Variants in LTF observed in about 807,000 individuals in gnomAD.
LTF encodes the protein lactotransferrin.
LTF carries 91 observed loss-of-function variants against 87.2 expected under a neutral mutation model. That is an observed-to-expected ratio of 1.04 (90% CI 0.88 to 1.24). The LOEUF (loss-of-function observed/expected upper bound fraction) is 1.24. Ranked by LOEUF, LTF falls within the 50% of genes most tolerant of loss-of-function variation. The probability of loss-of-function intolerance (pLI) is 0.00; values close to 1 mark genes in which losing one functional copy is unlikely to be tolerated. For missense variants in LTF, 901 were observed against 904.3 expected (o/e 1.00, Z 0.05); for synonymous variants, 378 against 356.1 (o/e 1.06, Z -0.69).
Position 46,436,177 on chromosome 3 carries a change from G to C in LTF, c.*18C>G. Reference sequence around the variant, plus strand: ...ATGGCTGAGGCTTTCTTGGGGAGCTGGGCCATCTTCTTCGGTTTTACTTCC... The same window carrying C: ...ATGGCTGAGGCTTTCTTGGGGAGCTCGGCCATCTTCTTCGGTTTTACTTCC... On this transcript the variant is annotated 3_prime_UTR_variant, in exon 17 of 17. Coordinates refer to ENST00000231751, the MANE Select transcript of LTF (RefSeq NM_002343.6). The C allele has an allele frequency of 6.2e-7, 1 of 1,613,960 alleles. No individual in the cohort carries two copies. The highest frequency in any genetic ancestry group is 1.1e-5 in the South Asian group (1 of 91,082).
At chr3:46,471,340 C>T (rs1703283555) in intron 1 of LTF, among the ~76,000 whole-genome samples, 2 of 152,182 alleles carry the variant, frequency 1.3e-5, no homozygotes, top group African/African-American at 4.8e-5. Context: ...CTCTATTTCC[C>T]TCTCTGCCTT....
intron 10 of LTF, 71 bp downstream of exon 10, chr3:46,447,237 G>C (rs1212877671): frequency 2.4e-5 from 25 of 1,061,288 alleles, no homozygotes; most frequent in Non-Finnish European, 3.7e-5. Context: ...TGCATTCACC[G>C]AATGGGATTA....
Position 46,446,461 on chromosome 3 carries a change from A to G in LTF, c.1336T>C (p.Cys446Arg). The G allele has an allele frequency of 6.2e-7, 1 of 1,613,970 alleles. No individual in the cohort carries two copies. Among genetic ancestry groups the G allele is most frequent in the South Asian group, 1.1e-5 (1 of 91,028 alleles). The change falls in exon 11 of 17, where the codon TGT becomes CGT. Residue 446 changes from cysteine (C) to arginine (R), a missense_variant. Coordinates refer to ENST00000231751, the MANE Select transcript of LTF (RefSeq NM_002343.6). ...SQQSSDPDPNCVDRPVEGYLA... is the reference protein window; with the variant it reads ...SQQSSDPDPNRVDRPVEGYLA... ...TCACCTTCCACAGGTCTATCCACAC[A>G]GTTAGGATCAGGGTCACTGCTTTGT...
chr3:46,459,682 G>A lies in LTF; in HGVS notation c.181C>T (p.Pro61Ser), dbSNP rs138560816. 2.4e-5 allele frequency: 37 copies of A among 1,554,438 alleles called. No individual in the cohort carries two copies. Among genetic ancestry groups the A allele is most frequent in the Non-Finnish European group, 3.0e-5 (35 of 1,153,730 alleles). ...GCAATGGCCTGGATACACTGGATGG[G>A]GGAGTCTCTCTTTATGCAGCTGACA... ...PPVSCIKRDSPIQCIQAIAEN... is the reference protein window; with the variant it reads ...PPVSCIKRDSSIQCIQAIAEN... Residue 61 changes from proline (P) to serine (S), a missense_variant, in exon 2 of 17, where the codon CCC becomes TCC. Coordinates refer to ENST00000231751, the MANE Select transcript of LTF (RefSeq NM_002343.6).
chr3:46,445,525 A>G (rs2106848491), intron 11 of LTF, 89 bp from the exon 12 acceptor site: 1 of 1,188,310 alleles, frequency 8.4e-7, no homozygotes, highest in Non-Finnish European at 1.2e-6. Context: ...GCCCAGGCCA[A>G]AACAGGCCAA....
rs1702919982 is a variant in LTF at position 46,455,975 on chromosome 3, G to C, written c.320C>G (p.Pro107Arg). ...AAEVYGTERQ[P>R]RTHYYAVAVV... ...AGCCACGGCATAATAGTGAGTTCGT[G>C]GCTCTGCAAAGGGGCAGACAGAATT... The change falls in exon 4 of 17, where the codon CCA becomes CGA. Residue 107 changes from proline to arginine, a missense_variant. Pro to Arg is a moderately radical substitution (Grantham distance 103, BLOSUM62 -2). Coordinates refer to ENST00000231751, the MANE Select transcript of LTF (RefSeq NM_002343.6). The C allele has an allele frequency of 4.4e-6, 7 of 1,578,972 alleles. No individual in the cohort carries two copies. In the East Asian group the frequency reaches 1.6e-4, roughly 35 times the overall value.
At chr3:46,482,794 AGAAG>A (rs1703467473) in intron 1 of LTF, among the ~76,000 whole-genome samples, 1 of 118,610 alleles carries the variant, frequency 8.4e-6, no homozygotes, top group Non-Finnish European at 1.8e-5. Context: ...AAAGAAAGAA[AGAAG>A]GAAGGAAAGA....
Position 46,449,923 on chromosome 3 carries a change from G to T in LTF, c.988C>A (p.Pro330Thr), listed in dbSNP as rs145613102. 1 of 1,614,170 alleles carries T rather than the reference G, an allele frequency of 6.2e-7. No homozygotes were observed. Among genetic ancestry groups the T allele is most frequent in the East Asian group, 2.2e-5 (1 of 44,876 alleles). Reference sequence around the variant, plus strand: ...TACAGCCCAGAATCTATCCTCGGGGGCACCCTCGAAAACCCAATGGCAGAG... The same window carrying T: ...TACAGCCCAGAATCTATCCTCGGGGTCACCCTCGAAAACCCAATGGCAGAG... ...KDSAIGFSRVPPRIDSGLYLG... is the reference protein window; with the variant it reads ...KDSAIGFSRVTPRIDSGLYLG... Residue 330 changes from proline (P) to threonine (T), a missense_variant, in exon 8 of 17, where the codon CCC becomes ACC. By Grantham distance (38) the Pro-to-Thr change is conservative. Transcript: ENST00000231751.
chr3:46,464,553 C>T (rs1400185316), intron 1 of LTF, among the ~76,000 whole-genome samples: 1 of 152,186 alleles, frequency 6.6e-6, no homozygotes, highest in Non-Finnish European at 1.5e-5. Flanking sequence ...TTAGGCGGGA[C>T]ACAAAGGGAC....
intron 6 of LTF, among the ~76,000 whole-genome samples, chr3:46,453,391 C>A (rs1327771384): frequency 1.3e-5 from 2 of 152,078 alleles, no homozygotes; most frequent in African/African-American, 4.8e-5. Flanking sequence ...GCTTGGTGAT[C>A]CTGGGTGCAT....
At chr3:46,441,522 A>C in intron 13 of LTF, 39 bp from the exon 14 acceptor site, 1 of 1,429,964 alleles carries the variant, frequency 7.0e-7, no homozygotes, top group Non-Finnish European at 9.8e-7. Flanking sequence ...ATTACAGAAG[A>C]GAAACTAGTG....
Position 46,450,546 on chromosome 3 carries a change from T to C in LTF, c.831A>G (p.Arg277=), listed in dbSNP as rs745519779. 2 of 1,614,026 alleles carry C rather than the reference T, an allele frequency of 1.2e-6. No homozygotes were observed. Among genetic ancestry groups the C allele is most frequent in the Non-Finnish European group, 1.7e-6 (2 of 1,180,020 alleles). The change falls in exon 7 of 17, where the codon CGA becomes CGG. Residue 277 remains arginine (R), a synonymous_variant. Transcript: ENST00000231751. ...TGGCATCCTCCTTGCCATTCACACTTCGTGCCACAACGGCATGAGAAGGGA... is the reference window on the plus strand; with the variant it reads ...TGGCATCCTCCTTGCCATTCACACTCCGTGCCACAACGGCATGAGAAGGGA... The part of the protein sequence containing the change: ...ARVPSHAVVA[R]SVNGKEDAIW...
chr3:46,445,292 G>A lies in LTF; in HGVS notation c.1502C>T (p.Ser501Phe). Reference protein sequence around the residue: ...PMGLLFNQTGSCKFDEYFSQS... With the variant: ...PMGLLFNQTGFCKFDEYFSQS... ...TTGGAACTCCTTACCAAATTTGCAGGAGCCCGTCTGGTTGAAGAGCAGGCC... is the reference window on the plus strand; with the variant it reads ...TTGGAACTCCTTACCAAATTTGCAGAAGCCCGTCTGGTTGAAGAGCAGGCC... The change falls in exon 12 of 17, where the codon TCC (serine) becomes TTC (phenylalanine). Residue 501 changes from serine to phenylalanine, a missense_variant. Coordinates refer to ENST00000231751, the MANE Select transcript of LTF (RefSeq NM_002343.6). 1 of 1,608,498 alleles carries A rather than the reference G, an allele frequency of 6.2e-7. No individual in the cohort carries two copies. Among genetic ancestry groups the A allele is most frequent in the Non-Finnish European group, 8.5e-7 (1 of 1,177,246 alleles).
intron 1 of LTF, 152 bp downstream of exon 1, chr3:46,464,673 G>C: frequency 1.3e-6 from 1 of 751,436 alleles, no homozygotes. Context: ...GACTGGCCCC[G>C]CGTCCGGGCC....
upstream of LTF, chr3:46,465,095 C>T: frequency 1.7e-6 from 1 of 587,180 alleles, no homozygotes; most frequent in Non-Finnish European, 3.0e-6. Context: ...CTGCACCTCA[C>T]CTGTCCTGGT....
At chr3:46,479,444 G>T (rs761098928) in intron 1 of LTF, among the ~76,000 whole-genome samples, 3 of 152,242 alleles carry the variant, frequency 2.0e-5, no homozygotes, top group Non-Finnish European at 4.4e-5. Context: ...CAGAACAAGT[G>T]GGGAGCAGAG....
Position 46,455,975 on chromosome 3 carries a change from G to T in LTF, c.320C>A (p.Pro107Gln). 1 of 1,578,972 alleles carries T rather than the reference G, an allele frequency of 6.3e-7. No individual in the cohort carries two copies. The stretch of plus-strand genomic sequence containing the variant: ...AGCCACGGCATAATAGTGAGTTCGT[G>T]GCTCTGCAAAGGGGCAGACAGAATT... ...AAEVYGTERQ[P>Q]RTHYYAVAVV... The change falls in exon 4 of 17, where the codon CCA becomes CAA. Residue 107 changes from proline (P) to glutamine (Q), a missense_variant. Pro to Gln is a moderately conservative substitution (Grantham distance 76, BLOSUM62 -1). Coordinates refer to ENST00000231751, the MANE Select transcript of LTF (RefSeq NM_002343.6).
In LTF at chr3:46,439,195, C is replaced by A. The variant is rs985273111; in HGVS notation, c.1908+101G>T. 3.6e-5 allele frequency: 41 copies of A among 1,139,814 alleles called. No individual in the cohort carries two copies. In the African/African-American group the frequency reaches 5.8e-4, roughly 16 times the overall value. The allele number at this position is 1,139,814 out of a possible 1,614,324, so 70.6% of individuals were successfully genotyped here. On this transcript the variant is annotated intron_variant, in intron 15 of 16. Coordinates refer to ENST00000231751, the MANE Select transcript of LTF (RefSeq NM_002343.6). Reference sequence around the variant, plus strand: ...CTCACCATGAGCTTCAAGTAGAGGACTAGAGAGGATCGAGTGGGCTGGTGC... The same window carrying A: ...CTCACCATGAGCTTCAAGTAGAGGAATAGAGAGGATCGAGTGGGCTGGTGC...
In LTF at chr3:46,448,945, C is replaced by T. The variant is rs1559598026; in HGVS notation, c.1130G>A (p.Cys377Tyr). ...CAVGEQELRK[C>Y]NQWSGLSEGS... ...TTCGCTCAAGCCACTCCACTGGTTA[C>T]ACTTGCGCAGCTCCTGCTCGCCCAC... Residue 377 changes from cysteine to tyrosine, a missense_variant, in exon 9 of 17, where the codon TGT (cysteine) becomes TAT (tyrosine). By Grantham distance (194) the Cys-to-Tyr change is radical. Coordinates refer to ENST00000231751, the MANE Select transcript of LTF (RefSeq NM_002343.6). 2 of 1,613,778 alleles carry T rather than the reference C, an allele frequency of 1.2e-6. No homozygotes were observed. The highest frequency in any genetic ancestry group is 1.1e-5 in the South Asian group (1 of 91,058).
Sources: gnomAD v4.1 joint callset for allele counts (sites outside exome capture counted in the v4.1 genomes callset) on GRCh38, gnomAD v4.1.1 for gene constraint, MANE v1.5 for transcripts, NCBI Gene and HGNC (gene_info 2026-07-23, HGNC 2026-07-21) for gene names.